The following KLB variants were observed in gnomAD, a reference collection of about 807,000 sequenced individuals.
The protein encoded by KLB is klotho beta.
In KLB, 44 loss-of-function variants were observed where a neutral mutation model predicts 88.4. That is an observed-to-expected ratio of 0.50 (90% confidence interval 0.39 to 0.64). The LOEUF (loss-of-function observed/expected upper bound fraction) is 0.64. Ranked by LOEUF, KLB falls within the 30% of genes least tolerant of loss-of-function variation. The probability of loss-of-function intolerance (pLI) is 0.00; values close to 1 mark genes in which losing one functional copy is unlikely to be tolerated. For missense variants in KLB, 1,137 were observed against 1,304.8 expected (o/e 0.87, Z 1.98); for synonymous variants, 548 against 513.4 (o/e 1.07, Z -0.91).
rs1743769478 is a variant in KLB, at chr4:39,447,130, G to A, written c.2404G>A (p.Ala802Thr). Reference protein sequence around the residue: ...SKHRRGLSSSALPRLTEAERR... With the variant: ...SKHRRGLSSSTLPRLTEAERR... ...GCACCGACGGGGGCTTTCCAGCTCG[G>A]CCCTGCCGCGCCTCACCGAGGCCGA... The change falls in exon 4 of 5, where the codon GCC becomes ACC. Residue 802 changes from alanine (A) to threonine (T), a missense_variant. Ala to Thr is a moderately conservative substitution (Grantham distance 58). Transcript: ENST00000257408. The A allele has an allele frequency of 6.2e-7, 1 of 1,613,550 alleles. No individual in the cohort carries two copies. Among genetic ancestry groups the A allele is most frequent in the Admixed American group, 1.7e-5 (1 of 60,032 alleles).
rs762489985 is a variant in KLB, at chr4:39,447,381, T to C, written c.2655T>C (p.Ile885=). ...GGAGGAACTACGGCGACATGGACATTTACATCACCGCCAGTGGCATCGACG... is the reference window on the plus strand; with the variant it reads ...GGAGGAACTACGGCGACATGGACATCTACATCACCGCCAGTGGCATCGACG... ...WVRRNYGDMD[I]YITASGIDDQ... The change falls in exon 4 of 5, where the codon ATT becomes ATC. Residue 885 remains isoleucine, a synonymous_variant. Coordinates refer to ENST00000257408, the MANE Select transcript of KLB (RefSeq NM_175737.4). The C allele has an allele frequency of 1.9e-6, 3 of 1,613,310 alleles. No individual in the cohort carries two copies. The highest frequency in any genetic ancestry group is 2.7e-5 in the African/African-American group (2 of 74,872).
chr4:39,446,526 T>C lies in KLB; in HGVS notation c.1800T>C (p.Ala600=). ...TGAAAGTCACCCACTACCGGTTTGCTCTGGATTGGGCCTCGGTCCTTCCCA... is the reference window on the plus strand; with the variant it reads ...TGAAAGTCACCCACTACCGGTTTGCCCTGGATTGGGCCTCGGTCCTTCCCA... The part of the protein sequence containing the change: ...ARMKVTHYRF[A]LDWASVLPTG... The change falls in exon 4 of 5, where the codon GCT becomes GCC. Residue 600 remains alanine, a synonymous_variant. Transcript: ENST00000257408. This position sits in a 1 kb window ranked among gnomAD's most constrained non-coding sequence, Gnocchi z 6.4. The C allele has an allele frequency of 6.2e-7, 1 of 1,614,202 alleles. No homozygotes were observed. Among genetic ancestry groups the C allele is most frequent in the Non-Finnish European group, 8.5e-7 (1 of 1,180,030 alleles).
intron 1 of KLB, among the ~76,000 whole-genome samples, chr4:39,418,944 T>TAAAAAAAAAAAAAAAAA (rs35661811): frequency 8.6e-6 from 1 of 116,894 alleles, no homozygotes. Flanking sequence ...ATGCCATCTC[T>TAAAAAAAAAAAAAAAAA]AAAAAAAAAA....
chr4:39,407,847 T>A, intron 1 of KLB, 73 bp downstream of exon 1: 2 of 889,690 alleles, frequency 2.2e-6, no homozygotes, highest in Non-Finnish European at 1.6e-6. Context: ...TCTGCCTCAG[T>A]AATTCTCTTC....
chr4:39,423,304 T>G (rs1743129568), intron 1 of KLB, among the ~76,000 whole-genome samples: 1 of 151,904 alleles, frequency 6.6e-6, no homozygotes. Context: ...CCAAATTTGC[T>G]GACAGGTCCT....
At chr4:39,414,728 G>T (rs555581326) in intron 1 of KLB, among the ~76,000 whole-genome samples, 1 of 151,432 alleles carries the variant, frequency 6.6e-6, no homozygotes, top group Non-Finnish European at 1.5e-5. Context: ...AATTAGCCAG[G>T]CGCGATGGTG....
At chr4:39,414,360 A>G (rs1742921519) in intron 1 of KLB, among the ~76,000 whole-genome samples, 1 of 151,878 alleles carries the variant, frequency 6.6e-6, no homozygotes, top group African/African-American at 2.4e-5. Flanking sequence ...ATATTTAATC[A>G]TCAACATGAT....
intron 1 of KLB, among the ~76,000 whole-genome samples, chr4:39,423,809 G>A (rs547517545): frequency 6.6e-6 from 1 of 151,712 alleles, no homozygotes; most frequent in East Asian, 1.9e-4. Flanking sequence ...CACACTGCAC[G>A]AGCCTGAGAC....
At chr4:39,436,891 G>A (rs1743483372) in intron 2 of KLB, among the ~76,000 whole-genome samples, 1 of 151,978 alleles carries the variant, frequency 6.6e-6, no homozygotes, top group Non-Finnish European at 1.5e-5. Flanking sequence ...TGTATTTTTA[G>A]TAGAGACAAG....
In KLB at chr4:39,407,730, G is replaced by C; in HGVS notation, c.781G>C (p.Gly261Arg). Residue 261 changes from glycine to arginine, a missense_variant, in exon 1 of 5, where the codon GGA (glycine) becomes CGA (arginine). This residue lies in a region of KLB where 597 missense variants were observed against 765.2 expected (regional missense o/e 0.78). Coordinates refer to ENST00000257408, the MANE Select transcript of KLB (RefSeq NM_175737.4). ...GTGMHAPGEK[G>R]NLAAVYTVGH... is the part of the protein sequence containing the mutation. Reference sequence around the variant, plus strand: ...AGGTATGCATGCCCCTGGAGAGAAGGGAAATTTAGCAGCTGTCTACACTGT... The same window carrying C: ...AGGTATGCATGCCCCTGGAGAGAAGCGAAATTTAGCAGCTGTCTACACTGT... 1.2e-6 allele frequency: 2 copies of C among 1,606,814 alleles called. No individual in the cohort carries two copies. The highest frequency in any genetic ancestry group is 8.5e-7 in the Non-Finnish European group (1 of 1,173,952).
chr4:39,409,736 G>A (rs1337058496), intron 1 of KLB, among the ~76,000 whole-genome samples: 1 of 150,762 alleles, frequency 6.6e-6, no homozygotes, highest in Non-Finnish European at 1.5e-5. Context: ...GACCAGCCTC[G>A]CCAACATAGT....
intron 1 of KLB, among the ~76,000 whole-genome samples, chr4:39,423,219 C>T (rs1054055721): frequency 6.6e-6 from 1 of 151,798 alleles, no homozygotes; most frequent in Non-Finnish European, 1.5e-5. Flanking sequence ...AGAGGTGAAT[C>T]GAGAATTACA....
chr4:39,446,984 A>G lies in KLB; in HGVS notation c.2258A>G (p.Tyr753Cys). ...GACTGGGCGGAACCCGCCAACCCCT[A>G]TGCTGACTCGCACTGGAGGGCGGCC... ...HADWAEPANP[Y>C]ADSHWRAAER... Residue 753 changes from tyrosine to cysteine, a missense_variant, in exon 4 of 5, where the codon TAT (tyrosine) becomes TGT (cysteine). Coordinates refer to ENST00000257408, the MANE Select transcript of KLB (RefSeq NM_175737.4). This position sits in a 1 kb window ranked among gnomAD's most constrained non-coding sequence, Gnocchi z 6.4. 3 of 1,609,040 alleles carry G rather than the reference A, an allele frequency of 1.9e-6. No homozygotes were observed. Among genetic ancestry groups the G allele is most frequent in the Non-Finnish European group, 2.5e-6 (3 of 1,179,912 alleles).
rs111484456 is a variant in KLB, at chr4:39,431,091, A to T, written c.826-3119A>T. On this transcript the variant is annotated intron_variant, in intron 1 of 4. Transcript: ENST00000257408. ...ATCACCATGCCTGGCTAATTTTTGTATTTTTTTTTTTTTTTTTTTGTAGAT... is the reference window on the plus strand; with the variant it reads ...ATCACCATGCCTGGCTAATTTTTGTTTTTTTTTTTTTTTTTTTTTGTAGAT... Among the ~76,000 whole-genome samples the T allele has an allele frequency of 3.8e-3, 434 of 114,636 alleles. 7 individuals are homozygous for T. The highest frequency in any genetic ancestry group is 5.7e-3 in the East Asian group (22 of 3,866). 75.2% of individuals were successfully genotyped at this position (114,636 alleles called of 152,430 possible).
rs1743869574 is a variant in KLB, at chr4:39,450,597, G to A, written c.*1911G>A. 6.6e-6 allele frequency: 1 copy of A among 152,162 alleles called. No individual in the cohort carries two copies. Among genetic ancestry groups the A allele is most frequent in the Non-Finnish European group, 1.5e-5 (1 of 68,034 alleles). The allele number at this position is 152,162 out of a possible 1,614,324, so 9.4% of individuals were successfully genotyped here. The stretch of plus-strand genomic sequence containing the variant: ...TGCACCCACTACCCCAAAGTTGGCA[G>A]TTTTGAGGTATGATTTTCAAGGAAT... On this transcript the variant is annotated 3_prime_UTR_variant, in exon 5 of 5. Transcript: ENST00000257408.
chr4:39,418,743 T>C (rs1420429736), intron 1 of KLB, among the ~76,000 whole-genome samples: 1 of 147,640 alleles, frequency 6.8e-6, no homozygotes, highest in African/African-American at 2.5e-5. Flanking sequence ...AGGTCAGGAG[T>C]TCAAGATTAG....
At position 39,407,736 on chromosome 4, in the gene KLB, T is replaced by A; in HGVS notation, c.787T>A (p.Leu263Ile). Reference sequence around the variant, plus strand: ...GCATGCCCCTGGAGAGAAGGGAAATTTAGCAGCTGTCTACACTGTGGGACA... The same window carrying A: ...GCATGCCCCTGGAGAGAAGGGAAATATAGCAGCTGTCTACACTGTGGGACA... ...GMHAPGEKGNLAAVYTVGHNL... is the reference protein window; with the variant it reads ...GMHAPGEKGNIAAVYTVGHNL... Residue 263 changes from leucine to isoleucine, a missense_variant, in exon 1 of 5, where the codon TTA becomes ATA. Physicochemically the swap from Leu to Ile is conservative, Grantham distance 5. Coordinates refer to ENST00000257408, the MANE Select transcript of KLB (RefSeq NM_175737.4). The A allele has an allele frequency of 1.2e-6, 2 of 1,606,678 alleles. No individual in the cohort carries two copies. The highest frequency in any genetic ancestry group is 3.3e-4 in the Middle Eastern group (2 of 6,042).
chr4:39,445,899 T>C (rs1391385904), intron 3 of KLB, among the ~76,000 whole-genome samples: 1 of 152,112 alleles, frequency 6.6e-6, no homozygotes, highest in Non-Finnish European at 1.5e-5. Flanking sequence ...GCACCAGCCT[T>C]TTTAAGGAAT....
intron 1 of KLB, among the ~76,000 whole-genome samples, chr4:39,407,979 T>C (rs1488306116): frequency 6.6e-6 from 1 of 152,256 alleles, no homozygotes; most frequent in Admixed American, 6.5e-5. Flanking sequence ...AATTAGTTTT[T>C]TCAAAAGTTG....
Sources: gnomAD v4.1 joint callset for allele counts (sites outside exome capture counted in the v4.1 genomes callset) on GRCh38, gnomAD v4.1.1 for gene constraint, gnomAD v4.1.1 regional missense constraint, Gnocchi (gnomAD v3.1) non-coding constraint, MANE v1.5 for transcripts, NCBI Gene and HGNC (gene_info 2026-07-23, HGNC 2026-07-21) for gene names.